The following BORCS5 variants were observed in gnomAD, a reference collection of about 807,000 sequenced individuals.
The protein encoded by BORCS5 is BLOC-1 related complex subunit 5.
A neutral mutation model predicts 22.1 loss-of-function variants in BORCS5; 17 were observed. The observed-to-expected ratio is 0.77, with a 90% CI of 0.53 to 1.15. The LOEUF (loss-of-function observed/expected upper bound fraction) is 1.15. BORCS5 is among the 50% of genes most tolerant of loss of function. BORCS5 has a pLI of 0.00. For missense variants in BORCS5, 247 were observed against 253.2 expected (o/e 0.98, Z 0.17); for synonymous variants, 117 against 99.8 (o/e 1.17, Z -1.03).
intron 2 of BORCS5, among the ~76,000 whole-genome samples, chr12:12,363,366 G>A (rs1186394406): frequency 1.3e-5 from 2 of 151,240 alleles, no homozygotes; most frequent in South Asian, 2.1e-4. Flanking sequence ...TTGGGAGGCC[G>A]AGGTGGGTGG....
At chr12:12,415,601 C>T (rs963361216) in intron 2 of BORCS5, among the ~76,000 whole-genome samples, 1 of 110,966 alleles carries the variant, frequency 9.0e-6, no homozygotes, top group South Asian at 3.3e-4. Flanking sequence ...GTTTTCTTCC[C>T]TTTAGTCTTC....
chr12:12,385,952 G>A lies in BORCS5; in HGVS notation c.202+24603G>A, dbSNP rs144309833. Among the ~76,000 whole-genome samples, 536 of 150,454 alleles carry A rather than the reference G, an allele frequency of 3.6e-3. 21 individuals are homozygous for A. The highest frequency in any genetic ancestry group is 0.01 in the African/African-American group (423 of 41,000). ...TAGTTACCTTTTGCAGAGAGGATAT[G>A]TTGATCTCCTCATTTGGATTTATCA... On this transcript the variant is annotated intron_variant, in intron 2 of 3. Transcript: ENST00000314565.
chr12:12,413,389 G>T (rs1180085206), intron 2 of BORCS5, among the ~76,000 whole-genome samples: 1 of 142,796 alleles, frequency 7.0e-6, no homozygotes, highest in African/African-American at 2.7e-5. Context: ...GAGAGCACAG[G>T]GTTGGGGATA....
chr12:12,390,794 A>T (rs1941157515), intron 2 of BORCS5, among the ~76,000 whole-genome samples: 1 of 151,770 alleles, frequency 6.6e-6, no homozygotes, highest in African/African-American at 2.4e-5. Context: ...TCTTAAAAAA[A>T]AAAAAATTAT....
At chr12:12,381,201 T>C (rs970913162) in intron 2 of BORCS5, among the ~76,000 whole-genome samples, 4 of 151,136 alleles carry the variant, frequency 2.6e-5, no homozygotes, top group African/African-American at 7.3e-5. Flanking sequence ...GCTTTCACCA[T>C]GTTGGCCAGG....
chr12:12,443,357 A>G (rs1454255137), intron 3 of BORCS5, among the ~76,000 whole-genome samples: 4 of 152,230 alleles, frequency 2.6e-5, no homozygotes, highest in Non-Finnish European at 2.9e-5. Flanking sequence ...GAATGTCACA[A>G]GTTACTCTGG....
intron 2 of BORCS5, among the ~76,000 whole-genome samples, chr12:12,418,593 A>AG (rs1403554651): frequency 6.6e-6 from 1 of 152,224 alleles, no homozygotes; most frequent in East Asian, 1.9e-4. Context: ...AGTCTAAGGC[A>AG]GGAGGATTGT....
At chr12:12,367,177 A>G (rs940626707) in intron 2 of BORCS5, among the ~76,000 whole-genome samples, 7 of 152,256 alleles carry the variant, frequency 4.6e-5, no homozygotes, top group African/African-American at 1.4e-4. Flanking sequence ...TAGCTAGGGA[A>G]GAATGAAGCA....
intron 3 of BORCS5, among the ~76,000 whole-genome samples, chr12:12,459,921 C>A (rs1943072203): frequency 6.6e-6 from 1 of 152,170 alleles, no homozygotes; most frequent in Non-Finnish European, 1.5e-5. Context: ...GCCAGCACCA[C>A]ACTATCCTGA....
intron 2 of BORCS5, among the ~76,000 whole-genome samples, chr12:12,412,175 T>A (rs1463724823): frequency 6.6e-6 from 1 of 152,232 alleles, no homozygotes; most frequent in Non-Finnish European, 1.5e-5. Context: ...GGGATTTTGA[T>A]AGGGATTGCA....
intron 2 of BORCS5, among the ~76,000 whole-genome samples, chr12:12,363,096 G>C (rs1427935355): frequency 6.6e-6 from 1 of 151,820 alleles, no homozygotes; most frequent in East Asian, 2.0e-4. Flanking sequence ...AACAGTTCAA[G>C]ACCAGCCTGG....
chr12:12,372,504 C>T (rs1402888296), intron 2 of BORCS5, among the ~76,000 whole-genome samples: 2 of 152,154 alleles, frequency 1.3e-5, no homozygotes, highest in Non-Finnish European at 2.9e-5. Flanking sequence ...CACCACCACA[C>T]CTGGCCTGGA....
At chr12:12,406,408 T>C (rs1223814254) in intron 2 of BORCS5, among the ~76,000 whole-genome samples, 1 of 152,236 alleles carries the variant, frequency 6.6e-6, no homozygotes, top group Non-Finnish European at 1.5e-5. Flanking sequence ...ACTTTCCATC[T>C]GATCAGGGCG....
At position 12,408,628 on chromosome 12, in the gene BORCS5, C is replaced by A. The variant is rs146277957; in HGVS notation, c.203-27000C>A. Among the ~76,000 whole-genome samples the A allele has an allele frequency of 3.2e-3, 490 of 152,278 alleles. 2 individuals carry two copies. The highest frequency in any genetic ancestry group is 0.011 in the African/African-American group (459 of 41,552). On this transcript the variant is annotated intron_variant, in intron 2 of 3. Coordinates refer to ENST00000314565, the MANE Select transcript of BORCS5 (RefSeq NM_058169.6). ...TCTATGATTTTGACTTTTCTGTGTACTTCATATAAATGGAATCATTCAGTG... is the reference window on the plus strand; with the variant it reads ...TCTATGATTTTGACTTTTCTGTGTAATTCATATAAATGGAATCATTCAGTG...
chr12:12,378,327 G>A (rs930653999), intron 2 of BORCS5, among the ~76,000 whole-genome samples: 1 of 152,174 alleles, frequency 6.6e-6, no homozygotes, highest in South Asian at 2.1e-4. Context: ...AGCCAAGATC[G>A]TGCCACTGAA....
intron 2 of BORCS5, among the ~76,000 whole-genome samples, chr12:12,431,427 G>A (rs1469148843): frequency 2.1e-5 from 2 of 95,232 alleles, no homozygotes; most frequent in Admixed American, 1.3e-4. Context: ...TTTTTGAGAC[G>A]GAGTCTTGCT....
chr12:12,463,238 T>C (rs149583074), intron 3 of BORCS5, among the ~76,000 whole-genome samples: 3 of 152,266 alleles, frequency 2.0e-5, no homozygotes, highest in African/African-American at 7.2e-5. Flanking sequence ...TCAAGGACAA[T>C]GTTACCTCAA....
At chr12:12,408,415 A>G (rs1470976000) in intron 2 of BORCS5, among the ~76,000 whole-genome samples, 1 of 152,200 alleles carries the variant, frequency 6.6e-6, no homozygotes, top group Non-Finnish European at 1.5e-5. Flanking sequence ...CATGAAATTT[A>G]CCACTGTAAC....
At chr12:12,417,078 A>G (rs1381609283) in intron 2 of BORCS5, among the ~76,000 whole-genome samples, 2 of 152,006 alleles carry the variant, frequency 1.3e-5, no homozygotes, top group African/African-American at 2.4e-5. Flanking sequence ...GGTGTGAGTC[A>G]TCCTGCCCAG....
Sources: allele counts gnomAD v4.1 joint callset (sites outside exome capture counted in the v4.1 genomes callset), GRCh38; gene constraint gnomAD v4.1.1; transcripts MANE v1.5; gene names NCBI Gene and HGNC (gene_info 2026-07-23, HGNC 2026-07-21).